Variants in SLC41A2 observed in about 807,000 individuals in gnomAD.
SLC41A2 encodes the protein SLC41A1-like 1.
Under a neutral mutation model 58.3 loss-of-function variants are expected in SLC41A2, and 32 were observed. The observed-to-expected ratio is 0.55, with a 90% CI of 0.41 to 0.74. The LOEUF (loss-of-function observed/expected upper bound fraction) is 0.74, where lower values mean the gene tolerates loss of function less well. Ranked by LOEUF, SLC41A2 falls within the 30% of genes least tolerant of loss-of-function variation. The pLI is 0.00. For missense variants in SLC41A2, 514 were observed against 680.6 expected, an observed-to-expected ratio of 0.76 and a Z score of 2.72; for synonymous variants, 190 against 235.0, an observed-to-expected ratio of 0.81 and a Z score of 1.75.
chr12:104,957,449 T>C (rs1196899149), intron 1 of SLC41A2, among the ~76,000 whole-genome samples: 1 of 152,130 alleles, frequency 6.6e-6, no homozygotes, highest in African/African-American at 2.4e-5. Context: ...GTGGTCATAT[T>C]TGGAAAACTC....
intron 6 of SLC41A2, among the ~76,000 whole-genome samples, chr12:104,883,651 C>T (rs188527600): frequency 1.4e-4 from 21 of 152,354 alleles, no homozygotes; most frequent in Non-Finnish European, 2.9e-4. Flanking sequence ...CCAGCGGAGG[C>T]TGCAGAGCAG....
intron 3 of SLC41A2, among the ~76,000 whole-genome samples, chr12:104,897,144 C>CTTTTTTTTTT (rs71440558): frequency 4.2e-5 from 5 of 120,286 alleles, no homozygotes; most frequent in South Asian, 2.6e-4. Flanking sequence ...TTTCTTTTTT[C>CTTTTTTTTTT]TTTTTTTTTT....
At chr12:104,836,617 G>T (rs1432758310) in intron 10 of SLC41A2, among the ~76,000 whole-genome samples, 1 of 152,160 alleles carries the variant, frequency 6.6e-6, no homozygotes, top group African/African-American at 2.4e-5. Context: ...CACTTTCTAG[G>T]TAAAGTACAG....
intron 1 of SLC41A2, among the ~76,000 whole-genome samples, chr12:104,947,868 T>C (rs2047791345): frequency 6.6e-6 from 1 of 152,172 alleles, no homozygotes; most frequent in African/African-American, 2.4e-5. Flanking sequence ...TTTTATAATT[T>C]ACAAATAAAC....
chr12:104,846,475 A>G (rs189699820), intron 8 of SLC41A2, among the ~76,000 whole-genome samples: 1 of 152,248 alleles, frequency 6.6e-6, no homozygotes, highest in Non-Finnish European at 1.5e-5. Context: ...CTCCAAGGTA[A>G]GATATGATAC....
chr12:104,886,654 A>G (rs1414730523), intron 5 of SLC41A2, among the ~76,000 whole-genome samples: 1 of 152,096 alleles, frequency 6.6e-6, no homozygotes, highest in African/African-American at 2.4e-5. Flanking sequence ...TAAGAAGTTC[A>G]GCATTGTATT....
chr12:104,902,299 G>T (rs1028950334), intron 3 of SLC41A2, among the ~76,000 whole-genome samples: 1 of 152,140 alleles, frequency 6.6e-6, no homozygotes, highest in African/African-American at 2.4e-5. Flanking sequence ...GACAGGTGGG[G>T]CATAAGGAAA....
In SLC41A2 at chr12:104,909,659, G is replaced by C; in HGVS notation, c.659C>G (p.Thr220Ser). 1 of 1,605,892 alleles carries C rather than the reference G, an allele frequency of 6.2e-7. No individual in the cohort carries two copies. Among genetic ancestry groups the C allele is most frequent in the Non-Finnish European group, 8.5e-7 (1 of 1,175,932 alleles). The change falls in exon 3 of 11, where the codon ACT (threonine) becomes AGT (serine). Residue 220 changes from threonine to serine, a missense_variant. Physicochemically the swap from Thr to Ser is moderately conservative, Grantham distance 58. This residue lies in a region of SLC41A2 where 336 missense variants were observed against 430.0 expected (regional missense o/e 0.78). Coordinates refer to ENST00000258538, the MANE Select transcript of SLC41A2 (RefSeq NM_001352171.3). ...LEMTLASRLS[T>S]AVNIGKMDSP... is the part of the protein sequence containing the mutation. ...TTGAGGTAGGAAAAAACTTACTGCA[G>C]TGGATAATCTGGATGCCAATGTCAT...
intron 6 of SLC41A2, among the ~76,000 whole-genome samples, chr12:104,876,799 G>C (rs569461219): frequency 6.6e-6 from 1 of 152,132 alleles, no homozygotes; most frequent in South Asian, 2.1e-4. Context: ...GATTCATTTG[G>C]TCTAAAGTGT....
intron 6 of SLC41A2, among the ~76,000 whole-genome samples, chr12:104,874,701 T>C (rs2043964141): frequency 6.6e-6 from 1 of 152,222 alleles, no homozygotes; most frequent in Admixed American, 6.5e-5. Context: ...TCTATCCTGT[T>C]CCACTGTCTG....
intron 3 of SLC41A2, among the ~76,000 whole-genome samples, chr12:104,900,025 T>G (rs1465441939): frequency 6.6e-6 from 1 of 152,144 alleles, no homozygotes; most frequent in Non-Finnish European, 1.5e-5. Context: ...TTTCTGTACT[T>G]CTAGAATCTC....
chr12:104,905,986 C>T (rs892689561), intron 3 of SLC41A2, among the ~76,000 whole-genome samples: 5 of 152,250 alleles, frequency 3.3e-5, no homozygotes, highest in Non-Finnish European at 5.9e-5. Flanking sequence ...GACTGAAGGG[C>T]TCCTCTAATG....
intron 1 of SLC41A2, among the ~76,000 whole-genome samples, chr12:104,951,759 T>G (rs74580804): frequency 0.014 from 2,062 of 151,534 alleles, 52 homozygotes; most frequent in African/African-American, 0.047. Flanking sequence ...TTTTCATCCA[T>G]TTAGGTTGGT....
chr12:104,872,576 T>C (rs954319859), intron 6 of SLC41A2, among the ~76,000 whole-genome samples: 2 of 151,946 alleles, frequency 1.3e-5, no homozygotes, highest in Admixed American at 6.6e-5. Context: ...TCTACTAAAA[T>C]ACAAAAATTA....
intron 1 of SLC41A2, among the ~76,000 whole-genome samples, chr12:104,930,626 A>G (rs2135897642): frequency 6.6e-6 from 1 of 152,348 alleles, no homozygotes; most frequent in Non-Finnish European, 1.5e-5. Flanking sequence ...AATTACCAGG[A>G]TGATCAAAAT....
intron 10 of SLC41A2, among the ~76,000 whole-genome samples, chr12:104,840,433 C>A (rs975511649): frequency 1.3e-5 from 2 of 152,162 alleles, no homozygotes; most frequent in Non-Finnish European, 2.9e-5. Flanking sequence ...TTAAGCACAC[C>A]TGGTAGTCTC....
chr12:104,814,322 T>C (rs1435656581), intron 10 of SLC41A2, among the ~76,000 whole-genome samples: 1 of 152,076 alleles, frequency 6.6e-6, no homozygotes, highest in South Asian at 2.1e-4. Context: ...GAGGCAGAGC[T>C]TGCAGTGAGC....
chr12:104,839,153 C>T (rs1018542487), intron 10 of SLC41A2, among the ~76,000 whole-genome samples: 44 of 152,212 alleles, frequency 2.9e-4, no homozygotes, highest in African/African-American at 1.1e-3. Context: ...GAAAATTCAA[C>T]ATTTCATTTA....
chr12:104,953,757 T>C (rs1419646157), intron 1 of SLC41A2, among the ~76,000 whole-genome samples: 2 of 152,120 alleles, frequency 1.3e-5, no homozygotes, highest in Non-Finnish European at 2.9e-5. Flanking sequence ...GTATTTAAAT[T>C]CTTATCTGGC....
Sources: allele counts gnomAD v4.1 joint callset (sites outside exome capture counted in the v4.1 genomes callset), GRCh38; gene constraint gnomAD v4.1.1; regional missense constraint gnomAD v4.1.1; transcripts MANE v1.5; gene names NCBI Gene and HGNC (gene_info 2026-07-23, HGNC 2026-07-21).